The following ZNF296 variants were observed in gnomAD, a reference collection of about 807,000 sequenced individuals.
ZNF296 encodes the protein zinc finger protein 296, also known as zinc finger protein 342.
A neutral mutation model predicts 13.2 loss-of-function variants in ZNF296; 1 was observed. The observed-to-expected ratio is 0.08, with a 90% CI of 0.03 to 0.36. The LOEUF is 0.36. Among genes scored for constraint, ZNF296 ranks in the 10% least tolerant of loss-of-function variants. The probability of loss-of-function intolerance (pLI) is 0.99; values close to 1 mark genes in which losing one functional copy is unlikely to be tolerated. For synonymous variants in ZNF296, 303 were observed against 289.0 expected, an observed-to-expected ratio of 1.05 and a Z score of -0.49; for missense variants, 555 against 688.2, an observed-to-expected ratio of 0.81 and a Z score of 2.16.
chr19:45,075,027 C>G (rs917892421), intron 2 of ZNF296, among the ~76,000 whole-genome samples: 1 of 152,206 alleles, frequency 6.6e-6, no homozygotes, highest in Non-Finnish European at 1.5e-5. Context: ...GGGCTGGAAA[C>G]TAGGTTTGGA....
chr19:45,071,653 G>A lies in ZNF296; in HGVS notation c.1376C>T (p.Thr459Ile), dbSNP rs1362151863. ...HCHVPFGLRA[T>I]LDKHLRQKHP... is the part of the protein sequence containing the mutation. The stretch of plus-strand genomic sequence containing the variant: ...CTTCTGCCGCAGGTGTTTGTCCAGG[G>A]TGGCTCGCAGGCCGAAGGGCACATG... Residue 459 changes from threonine (T) to isoleucine (I), a missense_variant, in exon 3 of 3, where the codon ACC becomes ATC. By Grantham distance (89) the Thr-to-Ile change is moderately conservative (BLOSUM62 -1). Transcript: ENST00000303809. 6.5e-7 allele frequency: 1 copy of A among 1,549,358 alleles called. No homozygotes were observed. Among genetic ancestry groups the A allele is most frequent in the Non-Finnish European group, 8.7e-7 (1 of 1,149,960 alleles).
chr19:45,073,202 G>C (rs1159506328), intron 2 of ZNF296, among the ~76,000 whole-genome samples: 1 of 152,084 alleles, frequency 6.6e-6, no homozygotes, highest in Non-Finnish European at 1.5e-5. Context: ...GCACAGAGAG[G>C]CATTTCCCCA....
rs1240402381 is a variant in ZNF296 at position 45,072,338 on chromosome 19, G to A, written c.691C>T (p.Pro231Ser). The stretch of plus-strand genomic sequence containing the variant: ...GTCTTCTTGCACACAGGACAGGTGG[G>A]GCTCCGCCGGGTGAGGCCGCTGCCA... ...ASGSGLTRRS[P>S]TCPVCKKTLS... Residue 231 changes from proline (P) to serine (S), a missense_variant, in exon 3 of 3, where the codon CCC becomes TCC. Pro to Ser is a moderately conservative substitution (Grantham distance 74). Transcript: ENST00000303809. 6.2e-7 allele frequency: 1 copy of A among 1,612,794 alleles called. No homozygotes were observed. Among genetic ancestry groups the A allele is most frequent in the Non-Finnish European group, 8.5e-7 (1 of 1,179,922 alleles).
chr19:45,076,350 G>T lies in ZNF296; in HGVS notation c.24C>A (p.Ser8Arg), dbSNP rs1245530607. The T allele has an allele frequency of 7.4e-7, 1 of 1,356,384 alleles. No homozygotes were observed. The allele number at this position is 1,356,384 out of a possible 1,614,324, so 84.0% of individuals were successfully genotyped here. Residue 8 changes from serine (S) to arginine (R), a missense_variant, in exon 1 of 3, where the codon AGC (serine) becomes AGA (arginine). Physicochemically the swap from Ser to Arg is moderately radical, Grantham distance 110. Around this residue, in one of 3 missense-constraint regions of ZNF296, gnomAD observed 8 missense variants for 18.3 expected, o/e 0.44. Transcript: ENST00000303809. This position sits in a 1 kb window ranked among gnomAD's most constrained non-coding sequence, Gnocchi z 4.9. ...GCGCGGGCTCTACTCGGCGGGGCGC[G>T]CTGCCGGCCTTGCGGCGGGACATGA... is the stretch of plus-strand genomic sequence containing the variant. MSRRKAGSAPRRVEPAPA... is the reference protein window; with the variant it reads MSRRKAGRAPRRVEPAPA...
At position 45,072,395 on chromosome 19, in the gene ZNF296, G is replaced by T. The variant is rs749018827; in HGVS notation, c.634C>A (p.Pro212Thr). 7 of 1,612,040 alleles carry T rather than the reference G, an allele frequency of 4.3e-6. No homozygotes were observed. The highest frequency in any genetic ancestry group is 5.9e-6 in the Non-Finnish European group (7 of 1,179,630). Reference sequence around the variant, plus strand: ...CGGGGGCTCTTGGCCTCAGCTGCTGGCCCCACCACTGCCGACACGGCTGCA... The same window carrying T: ...CGGGGGCTCTTGGCCTCAGCTGCTGTCCCCACCACTGCCGACACGGCTGCA... Reference protein sequence around the residue: ...VAAAVSAVVGPAAEAKSPRAS... With the variant: ...VAAAVSAVVGTAAEAKSPRAS... Residue 212 changes from proline to threonine, a missense_variant, in exon 3 of 3, where the codon CCA becomes ACA. By Grantham distance (38) the Pro-to-Thr change is conservative (BLOSUM62 -1). Around this residue, in one of 3 missense-constraint regions of ZNF296, gnomAD observed 410 missense variants for 548.0 expected, o/e 0.75. Transcript: ENST00000303809.
In ZNF296 at chr19:45,076,005, T is replaced by G; in HGVS notation, c.298+71A>C. The G allele has an allele frequency of 6.4e-7, 1 of 1,566,920 alleles. No individual in the cohort carries two copies. Among genetic ancestry groups the G allele is most frequent in the Non-Finnish European group, 8.6e-7 (1 of 1,159,618 alleles). On this transcript the variant is annotated intron_variant, in intron 1 of 2. Coordinates refer to ENST00000303809, the MANE Select transcript of ZNF296 (RefSeq NM_145288.3). The surrounding 1 kb of genome is among the most constrained non-coding windows in gnomAD (Gnocchi z 4.9). ...GAGATAAGGCAGGGCGAGGGGCCCA[T>G]GCCCAAAGGGAAGGGTCCCACCCGA...
intron 2 of ZNF296, 108 bp from the exon 3 acceptor site, chr19:45,072,688 A>G (rs968739394): frequency 6.6e-6 from 9 of 1,365,486 alleles, no homozygotes; most frequent in Admixed American, 2.5e-5. Flanking sequence ...AACAAGACAC[A>G]CACACCCTGG....
rs1387100614 is a variant in ZNF296 at position 45,076,128 on chromosome 19, G to C, written c.246C>G (p.Leu82=). Residue 82 remains leucine, a synonymous_variant, in exon 1 of 3, where the codon CTC becomes CTG. Coordinates refer to ENST00000303809, the MANE Select transcript of ZNF296 (RefSeq NM_145288.3). This position sits in a 1 kb window ranked among gnomAD's most constrained non-coding sequence, Gnocchi z 4.9. ...ACAGGGTCCACGGGTTCCGCGGGCC[G>C]AGGGCGAGGAGGGCGGCCCCGGCGG... is the stretch of plus-strand genomic sequence containing the variant. ...PMPAGAALLA[L]GPRNPWTLWT... The C allele has an allele frequency of 1.3e-6, 2 of 1,556,524 alleles. No homozygotes were observed. The highest frequency in any genetic ancestry group is 1.7e-6 in the Non-Finnish European group (2 of 1,156,850).
intron 2 of ZNF296, among the ~76,000 whole-genome samples, chr19:45,072,825 G>A (rs536267468): frequency 1.3e-5 from 2 of 152,262 alleles, no homozygotes; most frequent in African/African-American, 4.8e-5. Flanking sequence ...GCAGTGGCAC[G>A]ATCTCAGCTC....
chr19:45,073,472 G>A (rs868507557), intron 2 of ZNF296, among the ~76,000 whole-genome samples: 8 of 149,270 alleles, frequency 5.4e-5, no homozygotes, highest in African/African-American at 1.0e-4. Context: ...CGGGGTTCAC[G>A]CCATTCTCCT....
chr19:45,072,944 G>A (rs1967284303), intron 2 of ZNF296, among the ~76,000 whole-genome samples: 1 of 152,130 alleles, frequency 6.6e-6, no homozygotes, highest in African/African-American at 2.4e-5. Flanking sequence ...AGAGATGGGG[G>A]TTTCACCGTG....
intron 2 of ZNF296, among the ~76,000 whole-genome samples, chr19:45,073,120 C>A (rs1284822339): frequency 6.6e-6 from 1 of 152,166 alleles, no homozygotes; most frequent in African/African-American, 2.4e-5. Context: ...AGGTGCTGAG[C>A]CATGGCTCAT....
In ZNF296 at chr19:45,076,447, C is replaced by T. The variant is rs919237855; in HGVS notation, c.-74G>A. On this transcript the variant is annotated 5_prime_UTR_variant, in exon 1 of 3. Transcript: ENST00000303809. The surrounding 1 kb of genome is among the most constrained non-coding windows in gnomAD (Gnocchi z 4.9). ...GGGCGGAGGACGCACGAGCGGAGGACGCGCGGACCGTGCGCGCTCAGGTGA... is the reference window on the plus strand; with the variant it reads ...GGGCGGAGGACGCACGAGCGGAGGATGCGCGGACCGTGCGCGCTCAGGTGA... The T allele has an allele frequency of 3.3e-5, 36 of 1,107,196 alleles. No homozygotes were observed. The highest frequency in any genetic ancestry group is 3.6e-5 in the Non-Finnish European group (32 of 880,016). The allele number at this position is 1,107,196 out of a possible 1,614,324, so 68.6% of individuals were successfully genotyped here. A position where few individuals can be genotyped will look rare whatever the true frequency, so the allele number is the denominator to read the frequency against.
At chr19:45,074,495 C>T (rs1278481929) in intron 2 of ZNF296, among the ~76,000 whole-genome samples, 1 of 152,156 alleles carries the variant, frequency 6.6e-6, no homozygotes, top group Admixed American at 6.6e-5. Context: ...TCTGGACCTT[C>T]GGGGTACTCT....
intron 2 of ZNF296, among the ~76,000 whole-genome samples, chr19:45,074,196 A>G (rs1221026449): frequency 1.3e-5 from 2 of 151,728 alleles, no homozygotes; most frequent in Non-Finnish European, 2.9e-5. Flanking sequence ...CCCTGTCTCT[A>G]CCAAAAATAC....
chr19:45,074,955 C>T (rs1967317485), intron 2 of ZNF296, among the ~76,000 whole-genome samples: 1 of 152,216 alleles, frequency 6.6e-6, no homozygotes, highest in African/African-American at 2.4e-5. Flanking sequence ...ACCACCAGAC[C>T]CTCCCTGGCC....
Position 45,072,468 on chromosome 19 carries a change from T to G in ZNF296, c.561A>C (p.Thr187=), listed in dbSNP as rs1967275057. Residue 187 remains threonine (T), a synonymous_variant, in exon 3 of 3, where the codon ACA becomes ACC. Coordinates refer to ENST00000303809, the MANE Select transcript of ZNF296 (RefSeq NM_145288.3). ...GCGGGGCCTCCGGGGCCTCTGATTC[T>G]GTCTGGTAGATGGACAGTCCGTGGT... ...QWDHGLSIYQ[T]ESEAPEAPLL... is the part of the protein sequence containing the mutation. The G allele has an allele frequency of 6.2e-7, 1 of 1,613,404 alleles. No individual in the cohort carries two copies. Among genetic ancestry groups the G allele is most frequent in the Non-Finnish European group, 8.5e-7 (1 of 1,179,982 alleles).
At position 45,076,085 on chromosome 19, in the gene ZNF296, T is replaced by TCGGGGTCAACGGCGTCCA. The variant is rs764230391; in HGVS notation, c.271_288dup (p.Trp91_Pro96dup). ...GGCCCGGGGTGCTCACCGGGATAGT[T>TCGGGGTCAACGGCGTCCA]CGGGGTCAACGGCGTCCACAGGGTC... On this transcript the variant is annotated inframe_insertion, in exon 1 of 3. Coordinates refer to ENST00000303809, the MANE Select transcript of ZNF296 (RefSeq NM_145288.3). The surrounding 1 kb of genome is among the most constrained non-coding windows in gnomAD (Gnocchi z 4.9). The TCGGGGTCAACGGCGTCCA allele has an allele frequency of 2.3e-5, 36 of 1,581,014 alleles. No individual in the cohort carries two copies. The East Asian group carries it at 7.7e-4, about 34-fold the overall frequency.
chr19:45,076,316 T>C lies in ZNF296; in HGVS notation c.58A>G (p.Asn20Asp). ...TGCATTTCCATCTCGTCGTCTGGGT[T>C]GGCGGCGGGCGCGGGCTCTACTCGG... is the stretch of plus-strand genomic sequence containing the variant. ...PRRVEPAPAA[N>D]PDDEMEMQDL... Residue 20 changes from asparagine (N) to aspartate (D), a missense_variant, in exon 1 of 3, where the codon AAC becomes GAC. Around this residue, in one of 3 missense-constraint regions of ZNF296, gnomAD observed 137 missense variants for 121.9 expected, o/e 1.12. Transcript: ENST00000303809. This position sits in a 1 kb window ranked among gnomAD's most constrained non-coding sequence, Gnocchi z 4.9. 2.1e-6 allele frequency: 3 copies of C among 1,419,524 alleles called. No homozygotes were observed. Among genetic ancestry groups the C allele is most frequent in the Non-Finnish European group, 2.8e-6 (3 of 1,084,048 alleles). The allele number at this position is 1,419,524 out of a possible 1,614,324, so 87.9% of individuals were successfully genotyped here. A position where few individuals can be genotyped will look rare whatever the true frequency, so the allele number is the denominator to read the frequency against.
Sources: gnomAD v4.1 joint callset for allele counts (sites outside exome capture counted in the v4.1 genomes callset) on GRCh38, gnomAD v4.1.1 for gene constraint, gnomAD v4.1.1 regional missense constraint, Gnocchi (gnomAD v3.1) non-coding constraint, MANE v1.5 for transcripts, NCBI Gene and HGNC (gene_info 2026-07-23, HGNC 2026-07-21) for gene names.